MGAT4C: variants seen among roughly 807,000 people sequenced by gnomAD.
The protein encoded by MGAT4C is alpha-1,3-mannosyl-glycoprotein 4-beta-N-acetylglucosaminyltransferase C.
MGAT4C carries 19 observed loss-of-function variants against 40.1 expected under a neutral mutation model. The ratio of observed to expected loss-of-function variants is 0.47; its 90% CI spans 0.33 to 0.70. The LOEUF is 0.70. Among genes scored for constraint, MGAT4C ranks in the 30% least tolerant of loss-of-function variants. The pLI is 0.02. For missense variants in MGAT4C, 491 were observed against 563.2 expected (o/e 0.87, Z 1.30); for synonymous variants, 181 against 187.1 (o/e 0.97, Z 0.27).
chr12:86,668,313 C>A (rs904761174), intron 2 of MGAT4C, among the ~76,000 whole-genome samples: 2 of 152,138 alleles, frequency 1.3e-5, no homozygotes. Flanking sequence ...TGGCAAACAG[C>A]CCCTGTGATG....
rs144174123 is a variant in MGAT4C, at chr12:86,610,089, C to T, written c.-229+117120G>A. On this transcript the variant is annotated intron_variant, in intron 2 of 7. Coordinates refer to the MGAT4C transcript ENST00000548651. ...ACATTTAGAAAGGCTTTGGAATTCA[C>T]TGACCATGCATGGCAATTTTTTTTT... is the stretch of plus-strand genomic sequence containing the variant. 4.6e-5 allele frequency among the ~76,000 whole-genome samples: 7 copies of T among 152,258 alleles called. No individual in the cohort carries two copies. In the East Asian group the frequency reaches 9.7e-4, roughly 21 times the overall value.
At position 85,969,216 on chromosome 12, in the gene MGAT4C, C is replaced by T. The variant is rs1205244506; in HGVS notation, c.*10073G>A. 2.0e-5 allele frequency: 3 copies of T among 151,524 alleles called. No homozygotes were observed. Among genetic ancestry groups the T allele is most frequent in the African/African-American group, 4.8e-5 (2 of 41,312 alleles). 9.4% of individuals were successfully genotyped at this position (151,524 alleles called of 1,614,324 possible). On this transcript the variant is annotated 3_prime_UTR_variant, in exon 5 of 5. Coordinates refer to ENST00000611864, the MANE Select transcript of MGAT4C (RefSeq NM_001351288.2). ...TTACTTTCATAGGTAATGGAAGTAC[C>T]GATTAGGAGAGTACCAAATACATAT...
chr12:86,664,682 T>G (rs139908890), intron 2 of MGAT4C, among the ~76,000 whole-genome samples: 2 of 152,222 alleles, frequency 1.3e-5, no homozygotes, highest in African/African-American at 4.8e-5. Context: ...AGGTGCCTAT[T>G]ATCTGGACAA....
At chr12:86,691,494 T>G (rs1214450511) in intron 2 of MGAT4C, among the ~76,000 whole-genome samples, 1 of 151,990 alleles carries the variant, frequency 6.6e-6, no homozygotes, top group Admixed American at 6.6e-5. Context: ...AAGCTTTGAG[T>G]TGGAATCCAA....
intron 2 of MGAT4C, among the ~76,000 whole-genome samples, chr12:86,610,581 CTTTT>C (rs1276064410): frequency 6.8e-6 from 1 of 147,392 alleles, no homozygotes; most frequent in Admixed American, 6.8e-5. Context: ...CATTTTCTTT[CTTTT>C]TGTTTATTAT....
chr12:86,371,469 T>C (rs1415841784), intron 3 of MGAT4C, among the ~76,000 whole-genome samples: 1 of 152,082 alleles, frequency 6.6e-6, no homozygotes, highest in African/African-American at 2.4e-5. Context: ...AATTTTCCAC[T>C]GCCTTCAGGG....
At chr12:86,727,553 A>G (rs1262141469) in intron 1 of MGAT4C, among the ~76,000 whole-genome samples, 2 of 152,080 alleles carry the variant, frequency 1.3e-5, no homozygotes, top group Admixed American at 6.5e-5. Flanking sequence ...AAGGAAAGCC[A>G]GAAGTTAAAA....
At chr12:86,074,415 A>T (rs1325576126) in intron 1 of MGAT4C, among the ~76,000 whole-genome samples, 1 of 152,144 alleles carries the variant, frequency 6.6e-6, no homozygotes, top group African/African-American at 2.4e-5. Flanking sequence ...CCTGACTAAT[A>T]CAATCTCCAT....
chr12:86,043,273 T>C (rs1892053849), intron 2 of MGAT4C, among the ~76,000 whole-genome samples: 1 of 152,086 alleles, frequency 6.6e-6, no homozygotes, highest in Non-Finnish European at 1.5e-5. Context: ...CCACAATAGG[T>C]CGTCTGCAAG....
intron 1 of MGAT4C, among the ~76,000 whole-genome samples, chr12:86,764,022 G>A (rs542657557): frequency 6.6e-6 from 1 of 152,106 alleles, no homozygotes; most frequent in East Asian, 2.0e-4. Flanking sequence ...GCGGGGCAGT[G>A]GGTGGGTGCA....
chr12:86,001,575 G>C (rs1308930300), intron 2 of MGAT4C: 2 of 933,670 alleles, frequency 2.1e-6, no homozygotes, highest in African/African-American at 3.6e-5. Flanking sequence ...TGCTCCAAAT[G>C]ATAAGTCTGT....
intron 2 of MGAT4C, among the ~76,000 whole-genome samples, chr12:86,600,993 T>A (rs1404829349): frequency 1.3e-5 from 2 of 152,218 alleles, no homozygotes. Context: ...CAGCCAGGTG[T>A]GTGCACACTC....
intron 2 of MGAT4C, among the ~76,000 whole-genome samples, chr12:86,588,244 T>G (rs921550099): frequency 4.0e-5 from 6 of 151,706 alleles, no homozygotes; most frequent in Non-Finnish European, 8.8e-5. Context: ...AAAGGCAGGA[T>G]TTGCAATCCT....
chr12:86,286,730 T>C (rs1251473753), intron 4 of MGAT4C, among the ~76,000 whole-genome samples: 1 of 151,932 alleles, frequency 6.6e-6, no homozygotes, highest in Non-Finnish European at 1.5e-5. Flanking sequence ...TCTATTCTCA[T>C]TCCCCTCCCA....
chr12:86,282,817 T>C (rs1483235462), intron 4 of MGAT4C, among the ~76,000 whole-genome samples: 1 of 152,084 alleles, frequency 6.6e-6, no homozygotes, highest in East Asian at 1.9e-4. Flanking sequence ...TCTAGGACTA[T>C]TGCAGCCCAA....
chr12:86,348,294 TTTC>T (rs1243733380), intron 3 of MGAT4C, among the ~76,000 whole-genome samples: 4 of 152,144 alleles, frequency 2.6e-5, no homozygotes, highest in African/African-American at 9.7e-5. Context: ...CCTTAATCTT[TTTC>T]TTCATTTTAA....
chr12:86,171,506 T>C (rs1409104980), intron 1 of MGAT4C, among the ~76,000 whole-genome samples: 1 of 152,206 alleles, frequency 6.6e-6, no homozygotes, highest in Non-Finnish European at 1.5e-5. Context: ...AGTAAGTGAA[T>C]TGACCATTCT....
At chr12:86,482,979 C>A (rs768292690) in intron 2 of MGAT4C, among the ~76,000 whole-genome samples, 2 of 152,094 alleles carry the variant, frequency 1.3e-5, no homozygotes, top group African/African-American at 4.8e-5. Flanking sequence ...CATAAAAGTT[C>A]AAGGCATTAG....
chr12:86,498,837 G>GTT (rs1291322755), intron 2 of MGAT4C, among the ~76,000 whole-genome samples: 5 of 151,874 alleles, frequency 3.3e-5, no homozygotes, highest in African/African-American at 1.2e-4. Flanking sequence ...GCGCAAAACT[G>GTT]TAAACATCGA....
Sources: gnomAD v4.1 joint callset for allele counts (sites outside exome capture counted in the v4.1 genomes callset) on GRCh38, gnomAD v4.1.1 for gene constraint, MANE v1.5 for transcripts, NCBI Gene and HGNC (gene_info 2026-07-23, HGNC 2026-07-21) for gene names.